KCNIP4: variants seen among roughly 807,000 people sequenced by gnomAD.
KCNIP4 encodes the protein potassium voltage-gated channel interacting protein 4, also known as Kv channel-interacting protein 4.
In KCNIP4, 12 loss-of-function variants were observed where a neutral mutation model predicts 34.0. That is an observed-to-expected ratio of 0.35 (90% CI 0.23 to 0.57). KCNIP4 has a LOEUF of 0.57. Among genes scored for constraint, KCNIP4 ranks in the 20% least tolerant of loss-of-function variants. The probability of loss-of-function intolerance (pLI) is 0.83; values close to 1 mark genes in which losing one functional copy is unlikely to be tolerated. For missense variants in KCNIP4, 238 were observed against 311.7 expected (o/e 0.76, Z 1.78); for synonymous variants, 124 against 102.2 (o/e 1.21, Z -1.29).
chr4:21,945,799 T>A (rs1429305342), intron 1 of KCNIP4, among the ~76,000 whole-genome samples: 1 of 151,540 alleles, frequency 6.6e-6, no homozygotes, highest in Non-Finnish European at 1.5e-5. Flanking sequence ...ATAGCAGGAG[T>A]GCAAAATATG....
intron 3 of KCNIP4, among the ~76,000 whole-genome samples, chr4:20,770,865 G>A (rs1755809333): frequency 6.6e-6 from 1 of 152,118 alleles, no homozygotes; most frequent in Non-Finnish European, 1.5e-5. Context: ...AGCCCGGGAG[G>A]CAGAGGTTGC....
intron 1 of KCNIP4, among the ~76,000 whole-genome samples, chr4:21,661,310 C>T (rs2108990187): frequency 6.6e-6 from 1 of 152,280 alleles, no homozygotes; most frequent in African/African-American, 2.4e-5. Flanking sequence ...ATTTGGGAGG[C>T]AGTGGGTACG....
rs550788008 is a variant in KCNIP4, at chr4:20,807,458, C to A, written c.288+43085G>T. 2.0e-5 allele frequency among the ~76,000 whole-genome samples: 3 copies of A among 151,962 alleles called. No individual in the cohort carries two copies. The East Asian group carries it at 5.8e-4, about 29-fold the overall frequency. On this transcript the variant is annotated intron_variant, in intron 3 of 8. Transcript: ENST00000382152. ...CCAGTTTACCCCTATTTCCATAAGACCCATGAGTTGAGAATAGTTTTTACA... is the reference window on the plus strand; with the variant it reads ...CCAGTTTACCCCTATTTCCATAAGAACCATGAGTTGAGAATAGTTTTTACA...
intron 1 of KCNIP4, among the ~76,000 whole-genome samples, chr4:21,318,786 C>A (rs1330800400): frequency 6.6e-6 from 1 of 151,980 alleles, no homozygotes; most frequent in Non-Finnish European, 1.5e-5. Context: ...TGAGTGTAAT[C>A]CTGCAGTTTT....
chr4:21,321,847 G>T (rs1714494211), intron 1 of KCNIP4, among the ~76,000 whole-genome samples: 1 of 143,728 alleles, frequency 7.0e-6, no homozygotes, highest in Non-Finnish European at 1.5e-5. Flanking sequence ...GGAAGGAAAG[G>T]AAGGAAGGAG....
chr4:21,575,571 TTAG>T (rs1740689961), intron 1 of KCNIP4, among the ~76,000 whole-genome samples: 1 of 152,240 alleles, frequency 6.6e-6, no homozygotes, highest in African/African-American at 2.4e-5. Flanking sequence ...AGCTAACTTC[TTAG>T]TAGTTATTTA....
intron 1 of KCNIP4, among the ~76,000 whole-genome samples, chr4:21,352,135 AAAG>A (rs1283056543): frequency 6.6e-6 from 1 of 152,174 alleles, no homozygotes; most frequent in East Asian, 1.9e-4. Context: ...AGCACTAAAA[AAAG>A]AAAAAAATCT....
At chr4:21,441,232 C>G (rs1727447600) in intron 1 of KCNIP4, among the ~76,000 whole-genome samples, 1 of 151,594 alleles carries the variant, frequency 6.6e-6, no homozygotes, top group African/African-American at 2.4e-5. Context: ...AGCTTCACCT[C>G]CCGGCTTCAT....
intron 2 of KCNIP4, among the ~76,000 whole-genome samples, chr4:20,881,735 A>G (rs921587158): frequency 3.9e-5 from 6 of 152,212 alleles, no homozygotes; most frequent in Non-Finnish European, 7.3e-5. Context: ...CAGTGATTTA[A>G]TCAAACCCTA....
intron 1 of KCNIP4, among the ~76,000 whole-genome samples, chr4:21,114,051 T>C (rs536784398): frequency 6.6e-6 from 1 of 152,324 alleles, no homozygotes; most frequent in African/African-American, 2.4e-5. Flanking sequence ...GACCTATCCG[T>C]AGCCTGTTTC....
chr4:21,764,952 CTG>C (rs879915096), intron 1 of KCNIP4, among the ~76,000 whole-genome samples: 2 of 151,976 alleles, frequency 1.3e-5, no homozygotes, highest in Non-Finnish European at 2.9e-5. Context: ...TCATTAAAAG[CTG>C]TGTATTGGAG....
chr4:21,817,580 T>C (rs1229528106), intron 1 of KCNIP4, among the ~76,000 whole-genome samples: 1 of 152,136 alleles, frequency 6.6e-6, no homozygotes, highest in East Asian at 1.9e-4. Flanking sequence ...AGGGAAGATA[T>C]TGCTAAATTC....
intron 1 of KCNIP4, among the ~76,000 whole-genome samples, chr4:21,091,990 C>T (rs1747038582): frequency 6.6e-6 from 1 of 152,234 alleles, no homozygotes; most frequent in African/African-American, 2.4e-5. Flanking sequence ...CTCAGATAGG[C>T]TCAGCAACTG....
intron 1 of KCNIP4, among the ~76,000 whole-genome samples, chr4:21,237,907 C>G (rs1759489810): frequency 6.6e-6 from 1 of 152,140 alleles, no homozygotes; most frequent in African/African-American, 2.4e-5. Context: ...GATACCAAAG[C>G]CTGGCAGAGA....
intron 1 of KCNIP4, among the ~76,000 whole-genome samples, chr4:21,535,494 G>T (rs963074776): frequency 1.3e-5 from 2 of 152,020 alleles, no homozygotes; most frequent in African/African-American, 4.8e-5. Flanking sequence ...TGAATCGCAT[G>T]TTTCTATATT....
At chr4:20,923,230 G>T (rs1413287894) in intron 1 of KCNIP4, among the ~76,000 whole-genome samples, 4 of 152,152 alleles carry the variant, frequency 2.6e-5, no homozygotes, top group African/African-American at 9.7e-5. Context: ...TTTCTTGCAA[G>T]AGAAAACACT....
At chr4:21,595,620 A>T (rs1391091672) in intron 1 of KCNIP4, among the ~76,000 whole-genome samples, 1 of 152,012 alleles carries the variant, frequency 6.6e-6, no homozygotes, top group Non-Finnish European at 1.5e-5. Context: ...GTGTAAGAGC[A>T]TTCCTATTTC....
At chr4:21,157,902 A>T (rs1450860873) in intron 1 of KCNIP4, among the ~76,000 whole-genome samples, 2 of 152,134 alleles carry the variant, frequency 1.3e-5, no homozygotes, top group Non-Finnish European at 2.9e-5. Flanking sequence ...TAGTTCTTTT[A>T]AAAAAGTCAA....
chr4:21,795,113 C>G (rs1720537801), intron 1 of KCNIP4, among the ~76,000 whole-genome samples: 1 of 152,028 alleles, frequency 6.6e-6, no homozygotes, highest in South Asian at 2.1e-4. Flanking sequence ...GGAGACAGGG[C>G]CTTTAAGGAG....
Sources: allele counts gnomAD v4.1 joint callset (sites outside exome capture counted in the v4.1 genomes callset), GRCh38; gene constraint gnomAD v4.1.1; transcripts MANE v1.5; gene names NCBI Gene and HGNC (gene_info 2026-07-23, HGNC 2026-07-21).